The following DIP2B variants were observed in gnomAD, a reference collection of about 807,000 sequenced individuals.
DIP2B encodes DIP2 acetate--CoA ligase B (putative), also known as disco-interacting protein 2 homolog B.
Under a neutral mutation model 198.0 loss-of-function variants are expected in DIP2B, and 76 were observed. The observed-to-expected ratio is 0.38, with a 90% confidence interval of 0.32 to 0.46. The LOEUF (loss-of-function observed/expected upper bound fraction) is 0.46. DIP2B is among the 20% of genes least tolerant of loss of function. The pLI, the probability that DIP2B is intolerant of heterozygous loss-of-function variation, is 0.99. For missense variants in DIP2B, 1,559 were observed against 1,978.4 expected (o/e 0.79, Z 4.02); for synonymous variants, 701 against 739.1 (o/e 0.95, Z 0.84).
rs937114660 is a variant in DIP2B, at chr12:50,528,435, C to CA, written c.100+23207dup. Among the ~76,000 whole-genome samples, 634 of 129,818 alleles carry CA rather than the reference C, an allele frequency of 4.9e-3. 4 individuals are homozygous for CA. The highest frequency in any genetic ancestry group is 0.014 in the African/African-American group (481 of 35,052). The allele number at this position is 129,818 out of a possible 152,430, so 85.2% of individuals were successfully genotyped here. On this transcript the variant is annotated intron_variant, in intron 1 of 37. Transcript: ENST00000301180. ...GGGCAACATAATGAGACCTGCTTTC[C>CA]AAAAAAAAAAAAGGAAAAGTATAGT...
At chr12:50,737,424 C>A (rs55707156) in intron 35 of DIP2B, among the ~76,000 whole-genome samples, 98 of 152,224 alleles carry the variant, frequency 6.4e-4, no homozygotes, top group Non-Finnish European at 1.2e-3. Flanking sequence ...CACATACTTA[C>A]AAATTTTTAA....
intron 1 of DIP2B, among the ~76,000 whole-genome samples, chr12:50,608,619 C>G (rs1408060773): frequency 7.2e-6 from 1 of 139,274 alleles, no homozygotes; most frequent in Non-Finnish European, 1.5e-5. Context: ...TAGCAAGACT[C>G]AGTCTCAAAA....
chr12:50,687,075 A>C (rs1939144527), intron 12 of DIP2B, among the ~76,000 whole-genome samples: 1 of 152,184 alleles, frequency 6.6e-6, no homozygotes, highest in Non-Finnish European at 1.5e-5. Flanking sequence ...AGTAGATGAA[A>C]GATAAAGAGC....
At chr12:50,593,747 C>T (rs139916742) in intron 1 of DIP2B, among the ~76,000 whole-genome samples, 934 of 1,912 alleles carry the variant, frequency 0.49, 159 homozygotes, top group Middle Eastern at 0.75. Flanking sequence ...TCTCCTCTCC[C>T]CTCCCCTCCC....
chr12:50,674,727 A>T, intron 6 of DIP2B, 98 bp downstream of exon 6: 1 of 1,461,416 alleles, frequency 6.8e-7, no homozygotes, highest in Non-Finnish European at 9.4e-7. Context: ...CAGCTGCAGA[A>T]CTGCATTGTA....
At chr12:50,570,324 G>A (rs972993922) in intron 1 of DIP2B, among the ~76,000 whole-genome samples, 2 of 152,182 alleles carry the variant, frequency 1.3e-5, no homozygotes, top group Non-Finnish European at 2.9e-5. Context: ...GTGTTCTAGC[G>A]ATATTAATTG....
chr12:50,699,224 CA>C, intron 19 of DIP2B, 22 bp downstream of exon 19: 3 of 1,613,652 alleles, frequency 1.9e-6, no homozygotes, highest in South Asian at 2.2e-5. Context: ...TAACATTTCA[CA>C]GGGAAAATGT....
At chr12:50,739,130 C>G (rs953186622) in intron 35 of DIP2B, among the ~76,000 whole-genome samples, 1 of 152,172 alleles carries the variant, frequency 6.6e-6, no homozygotes, top group African/African-American at 2.4e-5. Flanking sequence ...GTGCGAGTCT[C>G]CTCATTTCTG....
At chr12:50,608,096 A>G (rs965615163) in intron 1 of DIP2B, among the ~76,000 whole-genome samples, 4 of 152,114 alleles carry the variant, frequency 2.6e-5, no homozygotes, top group African/African-American at 9.7e-5. Flanking sequence ...CCGGGCCACA[A>G]TTTGCTTATT....
chr12:50,709,982 A>G (rs1481637811), intron 22 of DIP2B, among the ~76,000 whole-genome samples: 1 of 152,156 alleles, frequency 6.6e-6, no homozygotes, highest in African/African-American at 2.4e-5. Context: ...CCCATCTCTC[A>G]AAAAATAAAA....
At chr12:50,509,204 T>TA (rs1957993768) in intron 1 of DIP2B, among the ~76,000 whole-genome samples, 1 of 152,290 alleles carries the variant, frequency 6.6e-6, no homozygotes, top group South Asian at 2.1e-4. Context: ...ATGGTGGAGT[T>TA]ATGTACAGAG....
At chr12:50,551,600 C>T (rs1052464639) in intron 1 of DIP2B, among the ~76,000 whole-genome samples, 3 of 152,062 alleles carry the variant, frequency 2.0e-5, no homozygotes, top group South Asian at 2.1e-4. Context: ...CATGCCACCA[C>T]GCCCAGCTAG....
chr12:50,742,693 C>G (rs1421203545), intron 37 of DIP2B, among the ~76,000 whole-genome samples: 5 of 152,030 alleles, frequency 3.3e-5, no homozygotes, highest in Non-Finnish European at 2.9e-5. Flanking sequence ...GTCAGGAGTT[C>G]AAGACCAGCC....
chr12:50,657,630 A>G (rs1008129237), intron 3 of DIP2B, among the ~76,000 whole-genome samples: 4 of 149,722 alleles, frequency 2.7e-5, no homozygotes, highest in Non-Finnish European at 5.9e-5. Context: ...CATCTTTACA[A>G]AAAAAAAAAG....
In DIP2B at chr12:50,532,404, A is replaced by C. The variant is rs1334169760; in HGVS notation, c.100+27164A>C. Among the ~76,000 whole-genome samples, 9 of 152,232 alleles carry C rather than the reference A, an allele frequency of 5.9e-5. No homozygotes were observed. The South Asian group carries it at 1.7e-3, about 28-fold the overall frequency. ...GTGGCATGCGCCTGTAATCCCAGCTACTTGGGAGTCTGAGGTGGGAGGATC... is the reference window on the plus strand; with the variant it reads ...GTGGCATGCGCCTGTAATCCCAGCTCCTTGGGAGTCTGAGGTGGGAGGATC... On this transcript the variant is annotated intron_variant, in intron 1 of 37. Coordinates refer to ENST00000301180, the MANE Select transcript of DIP2B (RefSeq NM_173602.3).
intron 1 of DIP2B, among the ~76,000 whole-genome samples, chr12:50,575,093 CT>C (rs1958647109): frequency 6.6e-6 from 1 of 152,092 alleles, no homozygotes; most frequent in Admixed American, 6.6e-5. Flanking sequence ...TTATAGCTAA[CT>C]TTCTTTTCTT....
At chr12:50,675,548 C>G in intron 7 of DIP2B, 100 bp downstream of exon 7, 1 of 1,182,262 alleles carries the variant, frequency 8.5e-7, no homozygotes, top group African/African-American at 1.5e-5. Context: ...GAACAAGACA[C>G]AGTTCTTGGT....
intron 1 of DIP2B, among the ~76,000 whole-genome samples, chr12:50,518,567 A>G (rs1958087076): frequency 6.6e-6 from 1 of 152,294 alleles, no homozygotes; most frequent in East Asian, 1.9e-4. Flanking sequence ...ATAGGTGTGC[A>G]GTTTCTGTAC....
intron 1 of DIP2B, among the ~76,000 whole-genome samples, chr12:50,505,538 CG>C (rs1435893026): frequency 6.6e-6 from 1 of 152,182 alleles, no homozygotes; most frequent in African/African-American, 2.4e-5. Context: ...TGCGCCCTCC[CG>C]CTTCTGCCCA....
Sources: allele counts gnomAD v4.1 joint callset (sites outside exome capture counted in the v4.1 genomes callset), GRCh38; gene constraint gnomAD v4.1.1; transcripts MANE v1.5; gene names NCBI Gene and HGNC (gene_info 2026-07-23, HGNC 2026-07-21).